The following WDR35 variants were observed in gnomAD, a reference collection of about 807,000 sequenced individuals.
The protein encoded by WDR35 is WD repeat domain 35, also known as WD repeat-containing protein 35.
A neutral mutation model predicts 158.3 loss-of-function variants in WDR35; 118 were observed. The observed-to-expected ratio is 0.75, with a 90% CI of 0.64 to 0.87. The LOEUF (loss-of-function observed/expected upper bound fraction) is 0.87, where lower values mean the gene tolerates loss of function less well. WDR35 is among the 40% of genes least tolerant of loss of function. The pLI is 0.00. For missense variants in WDR35, 1,263 were observed against 1,405.8 expected (o/e 0.90, Z 1.62); for synonymous variants, 448 against 476.1 (o/e 0.94, Z 0.77).
Position 19,910,609 on chromosome 2 carries a change from C to G in WDR35, c.*2949G>C, listed in dbSNP as rs1050389519. 4 of 152,190 alleles carry G rather than the reference C, an allele frequency of 2.6e-5. No individual in the cohort carries two copies. Among genetic ancestry groups the G allele is most frequent in the African/African-American group, 9.6e-5 (4 of 41,460 alleles). The allele number at this position is 152,190 out of a possible 1,614,324, so 9.4% of individuals were successfully genotyped here. The stretch of plus-strand genomic sequence containing the variant: ...GTTTTTTGCAAGGAGAACAACATAA[C>G]TGTTTAATGATGCTGTCTTCAATAT... On this transcript the variant is annotated 3_prime_UTR_variant, in exon 27 of 27. Transcript: ENST00000281405.
chr2:19,937,649 A>G, intron 19 of WDR35, 94 bp downstream of exon 19: 1 of 1,507,392 alleles, frequency 6.6e-7, no homozygotes, highest in South Asian at 1.1e-5. Context: ...AAGGAACCAT[A>G]TGATACACCT....
chr2:19,932,233 A>C, intron 23 of WDR35, 50 bp downstream of exon 23: 1 of 1,607,156 alleles, frequency 6.2e-7, no homozygotes, highest in South Asian at 1.1e-5. Flanking sequence ...TCATATATTA[A>C]AATATTGTGA....
At chr2:19,959,954 T>C (rs7602553) in intron 11 of WDR35, among the ~76,000 whole-genome samples, 3,357 of 152,156 alleles carry the variant, frequency 0.022, 51 homozygotes, top group Admixed American at 0.04. Flanking sequence ...GATTTGGAAT[T>C]TTTAATGGGT....
chr2:19,974,708 T>C (rs1281940938), intron 6 of WDR35, 75 bp from the exon 7 acceptor site: 2 of 1,397,042 alleles, frequency 1.4e-6, no homozygotes, highest in East Asian at 2.5e-5. Context: ...CAATAGAGTA[T>C]TGTAGAAAGA....
chr2:19,914,824 AAT>A (rs1292614201), intron 25 of WDR35, among the ~76,000 whole-genome samples: 1 of 152,164 alleles, frequency 6.6e-6, no homozygotes, highest in Non-Finnish European at 1.5e-5. Flanking sequence ...AAAAAGTGAA[AAT>A]GAGTCTCCAA....
chr2:19,962,888 T>G (rs1308264610), intron 10 of WDR35, among the ~76,000 whole-genome samples: 1 of 152,192 alleles, frequency 6.6e-6, no homozygotes, highest in Non-Finnish European at 1.5e-5. Context: ...ATTTTTCATT[T>G]TTATCAGTTA....
Position 19,973,613 on chromosome 2 carries a change from T to C in WDR35, c.832A>G (p.Met278Val), listed in dbSNP as rs1484528031. ...LAVAGFQKAA[M>V]QDKDVNIVQF... ...ACAATGTTCACATCTTTGTCCTGCA[T>C]GGCTGCCTTCTGGAAGCCTGCCACA... is the stretch of plus-strand genomic sequence containing the variant. Residue 278 changes from methionine (M) to valine (V), a missense_variant, in exon 8 of 27, where the codon ATG becomes GTG. Coordinates refer to ENST00000281405, the MANE Select transcript of WDR35 (RefSeq NM_020779.4). The C allele has an allele frequency of 6.2e-7, 1 of 1,614,214 alleles. No homozygotes were observed. Among genetic ancestry groups the C allele is most frequent in the Non-Finnish European group, 8.5e-7 (1 of 1,180,042 alleles).
At position 19,937,782 on chromosome 2, in the gene WDR35, A is replaced by G. The variant is rs758399091; in HGVS notation, c.2228T>C (p.Phe743Ser). The stretch of plus-strand genomic sequence containing the variant: ...GAGATACGTTCTTTCAGCCTCTTCA[A>G]ACCTGCCGAAGTAGCCAACAACTTC... ...QAEVVGYFGR[F>S]EEAERTYLEM... The change falls in exon 19 of 27, where the codon TTT becomes TCT. Residue 743 changes from phenylalanine to serine, a missense_variant. Phe to Ser is a radical substitution (Grantham distance 155). Coordinates refer to ENST00000281405, the MANE Select transcript of WDR35 (RefSeq NM_020779.4). 1.9e-6 allele frequency: 3 copies of G among 1,614,120 alleles called. No homozygotes were observed. The highest frequency in any genetic ancestry group is 1.7e-6 in the Non-Finnish European group (2 of 1,180,000).
At chr2:19,944,927 G>T (rs1290354293) in intron 16 of WDR35, among the ~76,000 whole-genome samples, 2 of 152,036 alleles carry the variant, frequency 1.3e-5, no homozygotes, top group Non-Finnish European at 1.5e-5. Context: ...CAAACAAATG[G>T]AAATTAATGA....
chr2:19,930,920 T>C (rs1670505677), intron 24 of WDR35, among the ~76,000 whole-genome samples: 1 of 152,226 alleles, frequency 6.6e-6, no homozygotes, highest in South Asian at 2.1e-4. Flanking sequence ...AGATTCTAAG[T>C]TAATCAGACA....
chr2:19,936,171 T>A (rs1016086805), intron 20 of WDR35, 48 bp downstream of exon 20: 1 of 1,612,798 alleles, frequency 6.2e-7, no homozygotes, highest in Non-Finnish European at 8.5e-7. Context: ...CTCAGGCAGC[T>A]ACTAAGTGTT....
chr2:19,941,693 C>A, intron 17 of WDR35, 66 bp downstream of exon 17: 1 of 1,205,318 alleles, frequency 8.3e-7, no homozygotes, highest in Non-Finnish European at 1.2e-6. Context: ...CAGGATACTA[C>A]ACCGCCTGGT....
chr2:19,964,460 C>T (rs1280538865), intron 10 of WDR35, among the ~76,000 whole-genome samples: 7 of 149,638 alleles, frequency 4.7e-5, no homozygotes, highest in African/African-American at 9.9e-5. Flanking sequence ...CTCGGCCCAC[C>T]GCAACCTCCG....
intron 11 of WDR35, among the ~76,000 whole-genome samples, chr2:19,956,099 G>A (rs1212614746): frequency 6.6e-6 from 1 of 152,026 alleles, no homozygotes; most frequent in African/African-American, 2.4e-5. Flanking sequence ...TCCTTTCCCT[G>A]ACCTGGTCTT....
chr2:19,975,354 A>C (rs536152228), intron 6 of WDR35, among the ~76,000 whole-genome samples, 176 bp downstream of exon 6: 1 of 152,350 alleles, frequency 6.6e-6, no homozygotes, highest in African/African-American at 2.4e-5. Context: ...TGAGAAAACC[A>C]AAATTTTATT....
intron 18 of WDR35, 25 bp from the exon 19 acceptor site, chr2:19,937,971 A>G (rs192606112): frequency 6.0e-5 from 96 of 1,612,412 alleles, no homozygotes; most frequent in Middle Eastern, 1.7e-4. Flanking sequence ...AAACAAAAAC[A>G]TAAGTGCATA....
intron 25 of WDR35, among the ~76,000 whole-genome samples, chr2:19,914,658 A>G (rs905933377): frequency 1.9e-4 from 29 of 152,384 alleles, no homozygotes; most frequent in Admixed American, 1.9e-3. Context: ...AAACTGCAAG[A>G]TAATACCATG....
At chr2:19,970,226 T>G (rs1295149903) in intron 8 of WDR35, among the ~76,000 whole-genome samples, 1 of 152,212 alleles carries the variant, frequency 6.6e-6, no homozygotes, top group Non-Finnish European at 1.5e-5. Flanking sequence ...CAACTTTGAT[T>G]ATAAGATGCC....
chr2:19,984,217 A>G (rs1015207053), intron 2 of WDR35, among the ~76,000 whole-genome samples: 5 of 152,128 alleles, frequency 3.3e-5, no homozygotes, highest in African/African-American at 1.2e-4. Context: ...TGATATATTG[A>G]ACAAATATCA....
Sources: allele counts gnomAD v4.1 joint callset (sites outside exome capture counted in the v4.1 genomes callset), GRCh38; gene constraint gnomAD v4.1.1; transcripts MANE v1.5; gene names NCBI Gene and HGNC (gene_info 2026-07-23, HGNC 2026-07-21).